The following CDKL2 variants were observed in gnomAD, a reference collection of about 807,000 sequenced individuals.
CDKL2 encodes cyclin dependent kinase like 2.
CDKL2 carries 64 observed loss-of-function variants against 63.9 expected under a neutral mutation model. That is an observed-to-expected ratio of 1.00 (90% CI 0.82 to 1.23). CDKL2 has a LOEUF of 1.23. Ranked by LOEUF, CDKL2 falls within the 50% of genes most tolerant of loss-of-function variation. The probability of loss-of-function intolerance (pLI) is 0.00; values close to 1 mark genes in which losing one functional copy is unlikely to be tolerated. For synonymous variants in CDKL2, 211 were observed against 229.2 expected (o/e 0.92, Z 0.72); for missense variants, 656 against 668.0 (o/e 0.98, Z 0.20).
intron 3 of CDKL2, among the ~76,000 whole-genome samples, chr4:75,607,923 C>T (rs1056509924): frequency 5.9e-5 from 9 of 152,014 alleles, no homozygotes; most frequent in Non-Finnish European, 8.8e-5. Context: ...CGCCATTCTC[C>T]TGCCTCAGCC....
chr4:75,618,100 C>CAAA (rs1297914975), intron 2 of CDKL2, among the ~76,000 whole-genome samples: 29 of 73,812 alleles, frequency 3.9e-4, no homozygotes, highest in South Asian at 1.5e-3. Context: ...GACTCTGTCT[C>CAAA]AAAAAAAAAA....
At chr4:75,598,592 T>TA (rs576539566) in intron 7 of CDKL2, among the ~76,000 whole-genome samples, 17,119 of 145,714 alleles carry the variant, frequency 0.12, 1,130 homozygotes, top group South Asian at 0.31. Context: ...TTTTTTTTTT[T>TA]AAAAAAAAAA....
chr4:75,616,663 G>C (rs1307201398), intron 2 of CDKL2, among the ~76,000 whole-genome samples: 1 of 143,068 alleles, frequency 7.0e-6, no homozygotes, highest in Non-Finnish European at 1.5e-5. Context: ...TTGCACCACT[G>C]CACTCCAGCC....
intron 7 of CDKL2, among the ~76,000 whole-genome samples, chr4:75,599,411 AT>A (rs1181175715): frequency 2.6e-5 from 4 of 152,050 alleles, no homozygotes; most frequent in Admixed American, 2.0e-4. Context: ...AAAATATAAA[AT>A]TAGCCAGTTG....
chr4:75,618,616 A>G (rs1730032469), intron 2 of CDKL2, among the ~76,000 whole-genome samples: 1 of 152,194 alleles, frequency 6.6e-6, no homozygotes. Flanking sequence ...ATAAAAGGCT[A>G]AAACGACAGT....
intron 13 of CDKL2, among the ~76,000 whole-genome samples, chr4:75,580,946 C>T (rs553276996): frequency 0.014 from 2,089 of 151,960 alleles, 17 homozygotes; most frequent in South Asian, 0.046. Context: ...GTGATCCGCC[C>T]GCCTCAGCCT....
intron 2 of CDKL2, among the ~76,000 whole-genome samples, chr4:75,625,443 A>G (rs1301172387): frequency 6.6e-6 from 1 of 152,210 alleles, no homozygotes; most frequent in Non-Finnish European, 1.5e-5. Flanking sequence ...AGGAAAATGT[A>G]TATCCTTAAA....
Position 75,625,850 on chromosome 4 carries a change from T to C in CDKL2, c.139A>G (p.Ile47Val), listed in dbSNP as rs148623133. 8 of 1,612,486 alleles carry C rather than the reference T, an allele frequency of 5.0e-6. No individual in the cohort carries two copies. Among genetic ancestry groups the C allele is most frequent in the Non-Finnish European group, 6.8e-6 (8 of 1,179,666 alleles). The change falls in exon 2 of 14, where the codon ATT (isoleucine) becomes GTT (valine). Residue 47 changes from isoleucine to valine, a missense_variant. By Grantham distance (29) the Ile-to-Val change is conservative. Transcript: ENST00000307465. ...AGTAACTTGATTTCTCGCATTGCAA[T>C]CTTTTTAACCATTTTGTCATCGTCA... ...ESDDDKMVKK[I>V]AMREIKLLKQ...
chr4:75,581,746 A>C, intron 13 of CDKL2, 64 bp downstream of exon 13: 1 of 852,462 alleles, frequency 1.2e-6, no homozygotes, highest in Non-Finnish European at 1.9e-6. Flanking sequence ...ATTGGTATTC[A>C]GCAAGCCACA....
intron 2 of CDKL2, among the ~76,000 whole-genome samples, chr4:75,620,689 C>T (rs1730115236): frequency 1.3e-5 from 2 of 152,112 alleles, no homozygotes; most frequent in South Asian, 4.1e-4. Flanking sequence ...GAAACATATG[C>T]CACTTTAGAG....
chr4:75,585,396 C>G (rs978201059), intron 12 of CDKL2, among the ~76,000 whole-genome samples: 2 of 151,932 alleles, frequency 1.3e-5, no homozygotes, highest in African/African-American at 2.4e-5. Context: ...GCAAGGCCAG[C>G]CACAACATCA....
intron 12 of CDKL2, among the ~76,000 whole-genome samples, chr4:75,590,997 G>A (rs139636602): frequency 1.9e-4 from 29 of 152,162 alleles, no homozygotes; most frequent in Admixed American, 7.9e-4. Context: ...TATGGCTGTT[G>A]ATATAAAGGT....
chr4:75,590,072 T>C (rs1382345618), intron 12 of CDKL2, among the ~76,000 whole-genome samples: 2 of 151,574 alleles, frequency 1.3e-5, no homozygotes, highest in Non-Finnish European at 2.9e-5. Flanking sequence ...GAAGCTGAGG[T>C]GGGAAGATTG....
rs750856832 is a variant in CDKL2, at chr4:75,581,807, T to C, written c.*23+3A>G. 1.3e-6 allele frequency: 2 copies of C among 1,550,798 alleles called. No individual in the cohort carries two copies. The highest frequency in any genetic ancestry group is 1.8e-6 in the Non-Finnish European group (2 of 1,124,280). On this transcript the variant is annotated splice_donor_region_variant and intron_variant, in intron 13 of 13. Coordinates refer to ENST00000307465, the MANE Select transcript of CDKL2 (RefSeq NM_001330724.2). Reference sequence around the variant, plus strand: ...AGCTTTAAGTATGGGAAATCACACCTACCCAGTTCAGAACCAAAATGGTTC... The same window carrying C: ...AGCTTTAAGTATGGGAAATCACACCCACCCAGTTCAGAACCAAAATGGTTC...
At position 75,614,330 on chromosome 4, in the gene CDKL2, A is replaced by G; in HGVS notation, c.288T>C (p.Asn96=). The change falls in exon 3 of 14, where the codon AAT becomes AAC. Residue 96 remains asparagine (N), a synonymous_variant. Transcript: ENST00000307465. ...TILDDLELFP[N]GLDYQVVQKY... ...TTTGAACTACTTGGTAGTCTAGTCC[A>G]TTTGGAAAGAGCTCCAAGTCATCAA... The G allele has an allele frequency of 6.2e-7, 1 of 1,612,028 alleles. No homozygotes were observed. The highest frequency in any genetic ancestry group is 8.5e-7 in the Non-Finnish European group (1 of 1,179,134).
intron 3 of CDKL2, among the ~76,000 whole-genome samples, chr4:75,612,096 A>C (rs1488064253): frequency 6.6e-6 from 1 of 151,370 alleles, no homozygotes; most frequent in Non-Finnish European, 1.5e-5. Flanking sequence ...TCAGCCTCCC[A>C]AGCAGCTGGG....
intron 1 of CDKL2, among the ~76,000 whole-genome samples, chr4:75,627,731 CTTTTTTTTT>C (rs57328528): frequency 1.2e-5 from 1 of 85,986 alleles, no homozygotes; most frequent in Non-Finnish European, 2.1e-5. Flanking sequence ...CTTTTTTTTT[CTTTTTTTTT>C]TTTTTTTTTT....
intron 12 of CDKL2, among the ~76,000 whole-genome samples, chr4:75,587,175 C>G (rs1273801306): frequency 6.6e-6 from 1 of 152,042 alleles, no homozygotes; most frequent in Non-Finnish European, 1.5e-5. Context: ...AATAAGAGGC[C>G]GGGTGCAGTG....
chr4:75,604,832 C>T (rs568632613), intron 5 of CDKL2, among the ~76,000 whole-genome samples: 14 of 152,298 alleles, frequency 9.2e-5, no homozygotes, highest in African/African-American at 3.4e-4. Context: ...GGGATGTGAG[C>T]GTGATTAAGA....
Sources: gnomAD v4.1 joint callset for allele counts (sites outside exome capture counted in the v4.1 genomes callset) on GRCh38, gnomAD v4.1.1 for gene constraint, MANE v1.5 for transcripts, NCBI Gene and HGNC (gene_info 2026-07-23, HGNC 2026-07-21) for gene names.